MCC: variants seen among roughly 807,000 people sequenced by gnomAD.
MCC encodes colorectal mutant cancer protein.
MCC carries 90 observed loss-of-function variants against 116.2 expected under a neutral mutation model. That is an observed-to-expected ratio of 0.77 (90% confidence interval 0.65 to 0.92). The LOEUF is 0.92. Ranked by LOEUF, MCC falls within the 40% of genes least tolerant of loss-of-function variation. The probability of loss-of-function intolerance (pLI) is 0.00; values close to 1 mark genes in which losing one functional copy is unlikely to be tolerated. For synonymous variants in MCC, 578 were observed against 510.5 expected (o/e 1.13, Z -1.78); for missense variants, 1,516 against 1,312.2 (o/e 1.16, Z -2.40).
chr5:113,085,816 T>G (rs1329175696), intron 8 of MCC, among the ~76,000 whole-genome samples: 1 of 152,150 alleles, frequency 6.6e-6, no homozygotes, highest in Non-Finnish European at 1.5e-5. Context: ...CTCAGCCTCC[T>G]GAGCAGCTGG....
At chr5:113,087,155 A>T (rs1023402431) in intron 8 of MCC, among the ~76,000 whole-genome samples, 3 of 152,230 alleles carry the variant, frequency 2.0e-5, no homozygotes, top group Non-Finnish European at 4.4e-5. Context: ...AAAGCTTTTC[A>T]TATTAAATGT....
chr5:113,115,643 T>C (rs1246293403), intron 6 of MCC, among the ~76,000 whole-genome samples: 3 of 152,148 alleles, frequency 2.0e-5, no homozygotes, highest in Admixed American at 6.5e-5. Context: ...CTCCTAGTCA[T>C]CCACCTCCAG....
chr5:113,145,709 A>G (rs7720549), intron 4 of MCC, among the ~76,000 whole-genome samples: 81,198 of 150,034 alleles, frequency 0.54, 23,532 homozygotes, highest in East Asian at 0.72. Flanking sequence ...TGGAGTGGCC[A>G]TTCTTTTGTT....
At chr5:113,478,955 G>A (rs866397660) in intron 1 of MCC, among the ~76,000 whole-genome samples, 5 of 152,220 alleles carry the variant, frequency 3.3e-5, no homozygotes, top group Admixed American at 1.3e-4. Context: ...CACTCCATAC[G>A]TGTTAGCTGT....
chr5:113,448,888 CTTGTA>C (rs1771300019), intron 1 of MCC, among the ~76,000 whole-genome samples: 1 of 152,186 alleles, frequency 6.6e-6, no homozygotes, highest in African/African-American at 2.4e-5. Flanking sequence ...CCTTTTTAAT[CTTGTA>C]TTTTATTTAT....
intron 3 of MCC, among the ~76,000 whole-genome samples, chr5:113,339,439 G>GTGTGTGCGCGCA (rs70973679): frequency 1.3e-5 from 1 of 76,532 alleles, no homozygotes; most frequent in African/African-American, 6.8e-5. Flanking sequence ...GTGTGTGTGT[G>GTGTGTGCGCGCA]CGTGCATGTG....
chr5:113,379,662 G>A (rs1769066945), intron 2 of MCC, among the ~76,000 whole-genome samples: 1 of 152,150 alleles, frequency 6.6e-6, no homozygotes. Context: ...GTATTAAATT[G>A]TATAGCTGAT....
intron 6 of MCC, among the ~76,000 whole-genome samples, chr5:113,109,198 C>T (rs79311292): frequency 7.4e-4 from 113 of 152,244 alleles, no homozygotes; most frequent in African/African-American, 2.5e-3. Flanking sequence ...AAAGCAGTGA[C>T]TCAAATAATT....
chr5:113,132,372 G>GTATA (rs1325884100), intron 5 of MCC, among the ~76,000 whole-genome samples: 11 of 116,574 alleles, frequency 9.4e-5, no homozygotes, highest in African/African-American at 3.4e-4. Context: ...GTGTGTGTGT[G>GTATA]TATATATATA....
At chr5:113,326,232 A>G (rs564766699) in intron 3 of MCC, among the ~76,000 whole-genome samples, 12 of 152,354 alleles carry the variant, frequency 7.9e-5, no homozygotes, top group African/African-American at 2.4e-4. Context: ...TTCCGGTTCC[A>G]CAGCAAAAGA....
chr5:113,093,584 A>G (rs1755797031), intron 8 of MCC, among the ~76,000 whole-genome samples: 1 of 152,116 alleles, frequency 6.6e-6, no homozygotes, highest in Non-Finnish European at 1.5e-5. Context: ...TTGGCCCTAG[A>G]GCTGTCAAAC....
chr5:113,427,949 C>T (rs141198603), intron 1 of MCC, among the ~76,000 whole-genome samples: 1 of 152,292 alleles, frequency 6.6e-6, no homozygotes, highest in East Asian at 1.9e-4. Flanking sequence ...AGAAACCACA[C>T]ATACCTCAGT....
intron 1 of MCC, among the ~76,000 whole-genome samples, chr5:113,430,508 G>A (rs1389063379): frequency 6.6e-6 from 1 of 152,180 alleles, no homozygotes; most frequent in East Asian, 1.9e-4. Context: ...ATGTTGAGAA[G>A]ATGACATTGG....
At chr5:113,069,020 T>C (rs4283779) in intron 12 of MCC, among the ~76,000 whole-genome samples, 51,881 of 152,122 alleles carry the variant, frequency 0.34, 8,870 homozygotes, top group Middle Eastern at 0.39. Context: ...CTATTCAATA[T>C]AGTATCTACT....
chr5:113,447,582 C>G (rs1771259050), intron 1 of MCC, among the ~76,000 whole-genome samples: 1 of 152,170 alleles, frequency 6.6e-6, no homozygotes. Flanking sequence ...AGGAAGAACA[C>G]ATGTTCCGTA....
intron 3 of MCC, among the ~76,000 whole-genome samples, chr5:113,290,604 A>T (rs1766454870): frequency 6.6e-6 from 1 of 152,240 alleles, no homozygotes; most frequent in Admixed American, 6.5e-5. Flanking sequence ...CCTTCCAGAT[A>T]CCTGGGATTA....
At chr5:113,074,587 T>G (rs1754284685) in intron 11 of MCC, among the ~76,000 whole-genome samples, 1 of 152,104 alleles carries the variant, frequency 6.6e-6, no homozygotes, top group Non-Finnish European at 1.5e-5. Context: ...AACAAACTTC[T>G]CCAAGCTAAA....
At chr5:113,283,068 G>A (rs149613373) in intron 3 of MCC, among the ~76,000 whole-genome samples, 321 of 152,352 alleles carry the variant, frequency 2.1e-3, no homozygotes, top group Non-Finnish European at 3.8e-3. Context: ...AGCCCGGCCC[G>A]ACAAAGCATC....
At chr5:113,241,846 A>G (rs11746791) in intron 3 of MCC, among the ~76,000 whole-genome samples, 1 of 152,242 alleles carries the variant, frequency 6.6e-6, no homozygotes, top group East Asian at 1.9e-4. Flanking sequence ...AAAAACTGCA[A>G]AGACATTCAG....
Sources: allele counts gnomAD v4.1 joint callset (sites outside exome capture counted in the v4.1 genomes callset), GRCh38; gene constraint gnomAD v4.1.1; transcripts MANE v1.5; gene names NCBI Gene and HGNC (gene_info 2026-07-23, HGNC 2026-07-21).